The following SOX6 variants were observed in gnomAD, a reference collection of about 807,000 sequenced individuals.
SOX6 encodes SRY-box transcription factor 6.
In SOX6, 11 loss-of-function variants were observed where a neutral mutation model predicts 97.8. That is an observed-to-expected ratio of 0.11 (90% confidence interval 0.07 to 0.19). The LOEUF (loss-of-function observed/expected upper bound fraction) is 0.19, where lower values mean the gene tolerates loss of function less well. Ranked by LOEUF, SOX6 falls within the 10% of genes least tolerant of loss-of-function variation. SOX6 has a pLI of 1.00. For synonymous variants in SOX6, 360 were observed against 371.4 expected, an observed-to-expected ratio of 0.97 and a Z score of 0.35; for missense variants, 810 against 1,039.5, an observed-to-expected ratio of 0.78 and a Z score of 3.04.
chr11:16,738,415 C>G (rs566770608), intron 1 of SOX6: 2 of 300,908 alleles, frequency 6.6e-6, no homozygotes, highest in Non-Finnish European at 1.3e-5. Flanking sequence ...AGCTCTCGGC[C>G]AACGCTCACC....
At chr11:16,015,203 G>C (rs1372793117) in intron 12 of SOX6, 153 bp from the exon 13 acceptor site, 1 of 718,312 alleles carries the variant, frequency 1.4e-6, no homozygotes, top group African/African-American at 1.8e-5. Flanking sequence ...AGATTCCGTT[G>C]AAAGCTGTTT....
intron 3 of SOX6, among the ~76,000 whole-genome samples, chr11:16,668,914 A>G (rs2134023169): frequency 6.6e-6 from 1 of 152,388 alleles, no homozygotes; most frequent in Non-Finnish European, 1.5e-5. Flanking sequence ...AGCATGAAGA[A>G]GAGAAATAGA....
chr11:16,678,924 T>C (rs1372525048), intron 3 of SOX6, among the ~76,000 whole-genome samples: 1 of 152,156 alleles, frequency 6.6e-6, no homozygotes, highest in Non-Finnish European at 1.5e-5. Context: ...TGCTGAGGCT[T>C]CAGTAGGCAG....
intron 3 of SOX6, among the ~76,000 whole-genome samples, chr11:16,678,576 C>G (rs966554666): frequency 2.0e-5 from 3 of 152,134 alleles, no homozygotes; most frequent in African/African-American, 4.8e-5. Flanking sequence ...ACTGAGGTAC[C>G]TGGTTCATCT....
At chr11:16,358,992 A>C (rs1857136597), upstream of SOX6, among the ~76,000 whole-genome samples, 1 of 152,182 alleles carries the variant, frequency 6.6e-6, no homozygotes, top group South Asian at 2.1e-4. Flanking sequence ...GCATATAAAT[A>C]AGACAGCAAC....
chr11:16,186,752 C>T, intron 5 of SOX6, 31 bp downstream of exon 5: 1 of 1,611,168 alleles, frequency 6.2e-7, no homozygotes, highest in Non-Finnish European at 8.5e-7. Context: ...TTCCACATCT[C>T]CAGTTCGTCA....
At chr11:16,478,382 A>G (rs1327752848), upstream of SOX6, among the ~76,000 whole-genome samples, 1 of 152,226 alleles carries the variant, frequency 6.6e-6, no homozygotes, top group Non-Finnish European at 1.5e-5. Context: ...TAATTTTTTA[A>G]TCAATGAACT....
At chr11:16,298,030 C>T (rs2134269103) in intron 3 of SOX6, among the ~76,000 whole-genome samples, 1 of 152,226 alleles carries the variant, frequency 6.6e-6, no homozygotes, top group East Asian at 1.9e-4. Context: ...CACATAAAAG[C>T]ATGATTACTG....
intron 3 of SOX6, among the ~76,000 whole-genome samples, chr11:16,689,207 T>C (rs1231020860): frequency 1.3e-5 from 2 of 152,160 alleles, no homozygotes; most frequent in Non-Finnish European, 1.5e-5. Context: ...ACCCATGGGG[T>C]ACCCTTTGCA....
intron 3 of SOX6, among the ~76,000 whole-genome samples, chr11:16,250,148 C>T (rs1192255825): frequency 6.6e-6 from 1 of 152,154 alleles, no homozygotes; most frequent in Non-Finnish European, 1.5e-5. Flanking sequence ...GTGAGATCAG[C>T]AGTGGCGTTT....
chr11:16,596,788 C>G (rs1848216614), intron 4 of SOX6, among the ~76,000 whole-genome samples: 1 of 152,176 alleles, frequency 6.6e-6, no homozygotes, highest in Non-Finnish European at 1.5e-5. Flanking sequence ...TGTTTTCTAT[C>G]AAACTTGCCA....
chr11:16,002,018 A>T (rs1258557960), intron 13 of SOX6, among the ~76,000 whole-genome samples: 3 of 152,180 alleles, frequency 2.0e-5, no homozygotes, highest in African/African-American at 7.2e-5. Flanking sequence ...GACATTAATG[A>T]CTAATCAATC....
intron 4 of SOX6, among the ~76,000 whole-genome samples, chr11:16,227,204 A>G (rs1405781726): frequency 6.6e-6 from 1 of 152,220 alleles, no homozygotes; most frequent in African/African-American, 2.4e-5. Flanking sequence ...ATTGACAGGA[A>G]ACAGAACATA....
chr11:16,001,231 A>T (rs1053399176), intron 13 of SOX6, among the ~76,000 whole-genome samples: 1 of 152,188 alleles, frequency 6.6e-6, no homozygotes, highest in Non-Finnish European at 1.5e-5. Context: ...CCTTTTTGAT[A>T]GACTAGGCCA....
intron 4 of SOX6, among the ~76,000 whole-genome samples, chr11:16,591,867 A>T (rs1380890592): frequency 1.3e-5 from 2 of 152,110 alleles, no homozygotes; most frequent in Non-Finnish European, 2.9e-5. Context: ...TCTTTCTGAG[A>T]TATCATTTTC....
chr11:16,035,043 A>G (rs1324848586), intron 12 of SOX6, among the ~76,000 whole-genome samples: 3 of 152,234 alleles, frequency 2.0e-5, no homozygotes, highest in Non-Finnish European at 4.4e-5. Flanking sequence ...ACTCACATAT[A>G]GATTTATACC....
chr11:15,974,378 C>CTAT (rs761914801), intron 15 of SOX6, among the ~76,000 whole-genome samples: 1 of 85,658 alleles, frequency 1.2e-5, no homozygotes, highest in Non-Finnish European at 2.0e-5. Context: ...TTAGCTCTCT[C>CTAT]TTTTTTTTTT....
intron 3 of SOX6, among the ~76,000 whole-genome samples, chr11:16,684,230 G>C (rs1457538459): frequency 6.6e-6 from 1 of 152,022 alleles, no homozygotes; most frequent in Non-Finnish European, 1.5e-5. Flanking sequence ...CCCATTACTG[G>C]GTATATACCC....
At chr11:16,674,419 T>C (rs550136699) in intron 3 of SOX6, among the ~76,000 whole-genome samples, 1 of 152,284 alleles carries the variant, frequency 6.6e-6, no homozygotes, top group African/African-American at 2.4e-5. Flanking sequence ...AAAACTCATA[T>C]TTGCAAGACC....
Sources: allele counts gnomAD v4.1 joint callset (sites outside exome capture counted in the v4.1 genomes callset), GRCh38; gene constraint gnomAD v4.1.1; transcripts MANE v1.5; gene names NCBI Gene and HGNC (gene_info 2026-07-23, HGNC 2026-07-21).